CCDC122: variants seen among roughly 807,000 people sequenced by gnomAD.
The protein encoded by CCDC122 is coiled-coil domain containing 122, also known as coiled-coil domain-containing protein 122.
CCDC122 carries 38 observed loss-of-function variants against 37.0 expected under a neutral mutation model. The ratio of observed to expected loss-of-function variants is 1.03; its 90% CI spans 0.79 to 1.35. The LOEUF (loss-of-function observed/expected upper bound fraction) is 1.35. CCDC122 is among the 40% of genes most tolerant of loss of function. The pLI, the probability that CCDC122 is intolerant of heterozygous loss-of-function variation, is 0.00. For missense variants in CCDC122, 305 were observed against 310.0 expected (o/e 0.98, Z 0.12); for synonymous variants, 83 against 95.6 (o/e 0.87, Z 0.77).
intron 6 of CCDC122, among the ~76,000 whole-genome samples, chr13:43,849,623 A>C (rs1276196464): frequency 6.6e-6 from 1 of 152,222 alleles, no homozygotes; most frequent in Non-Finnish European, 1.5e-5. Context: ...AATTTGTTCT[A>C]TCTAGCCAAA....
Position 43,836,413 on chromosome 13 carries a change from C to CA in CCDC122, c.*866dup, listed in dbSNP as rs1221233775. ...TCACTCAAAATATGTTATTTTATAA[C>CA]AAAGAAAAATGATTGTTACCTTCTG... is the stretch of plus-strand genomic sequence containing the variant. On this transcript the variant is annotated 3_prime_UTR_variant, in exon 7 of 7. Transcript: ENST00000444614. 9.3e-5 allele frequency: 14 copies of CA among 151,228 alleles called. No homozygotes were observed. Among genetic ancestry groups the CA allele is most frequent in the South Asian group, 4.2e-4 (2 of 4,794 alleles). The allele number at this position is 151,228 out of a possible 1,614,324, so 9.4% of individuals were successfully genotyped here. A position where few individuals can be genotyped will look rare whatever the true frequency, so the allele number is the denominator to read the frequency against.
chr13:43,829,187 A>G (rs1953065704), intron 3 of CCDC122, among the ~76,000 whole-genome samples: 1 of 152,234 alleles, frequency 6.6e-6, no homozygotes, highest in Non-Finnish European at 1.5e-5. Context: ...CTATAGATCC[A>G]TACTCCTTTC....
chr13:43,877,821 AG>A (rs1328004282), intron 1 of CCDC122: 1 of 152,242 alleles, frequency 6.6e-6, no homozygotes, highest in Non-Finnish European at 1.5e-5. Flanking sequence ...AAAACAAAAA[AG>A]CAAAGCAAAA....
At chr13:43,821,592 C>A (rs918863888), downstream of CCDC122, among the ~76,000 whole-genome samples, 1 of 152,116 alleles carries the variant, frequency 6.6e-6, no homozygotes, top group Admixed American at 6.6e-5. Flanking sequence ...ATCTCTTTAC[C>A]TTCTTTTTAA....
In CCDC122 at chr13:43,869,349, G is replaced by C. The variant is rs760066211; in HGVS notation, c.28C>G (p.Gln10Glu). 3.7e-6 allele frequency: 6 copies of C among 1,607,500 alleles called. No homozygotes were observed. The Admixed American group carries it at 1.0e-4, about 27-fold the overall frequency. Residue 10 changes from glutamine to glutamate, a missense_variant, in exon 3 of 7, where the codon CAA (glutamine) becomes GAA (glutamate). By Grantham distance (29) the Gln-to-Glu change is conservative. Transcript: ENST00000444614. MSDNKERKS[Q>E]GFPKEDNQDT... Reference sequence around the variant, plus strand: ...TCATTACCTTCTTTAGGAAATCCTTGACTCTTCCTTTCTTTGTTGTCTGAC... The same window carrying C: ...TCATTACCTTCTTTAGGAAATCCTTCACTCTTCCTTTCTTTGTTGTCTGAC...
downstream of CCDC122, among the ~76,000 whole-genome samples, chr13:43,836,154 ATTTG>A (rs1953155082): frequency 6.6e-6 from 1 of 152,188 alleles, no homozygotes; most frequent in African/African-American, 2.4e-5. Context: ...ATATCTTCCT[ATTTG>A]TTTTTGTTTC....
chr13:43,870,935 G>C (rs566231301), intron 2 of CCDC122, among the ~76,000 whole-genome samples: 1 of 152,098 alleles, frequency 6.6e-6, no homozygotes, highest in African/African-American at 2.4e-5. Flanking sequence ...TATATGCAGG[G>C]GATTTGTACC....
intron 6 of CCDC122, among the ~76,000 whole-genome samples, chr13:43,850,784 T>G (rs1953700686): frequency 6.6e-6 from 1 of 152,186 alleles, no homozygotes; most frequent in Non-Finnish European, 1.5e-5. Context: ...TGAAAAATCC[T>G]AAATTTGGCA....
At chr13:43,847,610 A>G (rs17653353) in intron 6 of CCDC122, among the ~76,000 whole-genome samples, 24,775 of 152,242 alleles carry the variant, frequency 0.16, 2,128 homozygotes, top group Middle Eastern at 0.2. Context: ...AAGTGCCACA[A>G]AAATACCAGG....
chr13:43,859,471 T>G (rs1954033132), intron 5 of CCDC122, among the ~76,000 whole-genome samples: 2 of 152,102 alleles, frequency 1.3e-5, no homozygotes, highest in Admixed American at 1.3e-4. Context: ...GATGTTTCCT[T>G]TATGCATTTG....
chr13:43,876,509 C>G lies in CCDC122; in HGVS notation c.-199-1582G>C, dbSNP rs1344869816. On this transcript the variant is annotated intron_variant, in intron 1 of 6. Transcript: ENST00000444614. ...CGCAGCAGCTTATGTCTAAGCCTAT[C>G]TACACATAACCTCTAACCACTTAAC... Among the ~76,000 whole-genome samples the G allele has an allele frequency of 3.3e-5, 5 of 152,204 alleles. No individual in the cohort carries two copies. The East Asian group carries it at 7.7e-4, about 23-fold the overall frequency.
intron 4 of CCDC122, among the ~76,000 whole-genome samples, chr13:43,867,509 T>C (rs1954312562): frequency 6.6e-6 from 1 of 152,120 alleles, no homozygotes; most frequent in Admixed American, 6.5e-5. Flanking sequence ...ATCATTTCTT[T>C]TGTGATCACT....
intron 6 of CCDC122, among the ~76,000 whole-genome samples, chr13:43,841,420 C>T (rs1953346958): frequency 1.3e-5 from 2 of 152,068 alleles, no homozygotes; most frequent in African/African-American, 2.4e-5. Context: ...TTCATTGAAA[C>T]TTTCATCATT....
downstream of CCDC122, among the ~76,000 whole-genome samples, chr13:43,833,515 A>G (rs1225689138): frequency 6.6e-6 from 1 of 152,202 alleles, no homozygotes; most frequent in Non-Finnish European, 1.5e-5. Context: ...ACTGAAATCA[A>G]GGAGTGGGGA....
At chr13:43,859,524 A>C (rs1463373883) in intron 5 of CCDC122, 148 bp downstream of exon 5, 5 of 576,962 alleles carry the variant, frequency 8.7e-6, no homozygotes, top group Non-Finnish European at 1.4e-5. Context: ...ACTTATTCCA[A>C]GTTTTTTTCA....
chr13:43,878,088 ATTTTCT>A (rs1331628957), intron 1 of CCDC122: 1 of 150,182 alleles, frequency 6.7e-6, no homozygotes, highest in East Asian at 1.9e-4. Flanking sequence ...CTTTTGAAAT[ATTTTCT>A]TTTTCATTTT....
chr13:43,826,741 A>C (rs972638996), intron 3 of CCDC122, among the ~76,000 whole-genome samples: 5 of 152,206 alleles, frequency 3.3e-5, no homozygotes, highest in Non-Finnish European at 5.9e-5. Context: ...CAGTGCAAAA[A>C]ATAATTTAAT....
chr13:43,830,991 T>G (rs947642221), intron 3 of CCDC122, among the ~76,000 whole-genome samples: 1 of 152,200 alleles, frequency 6.6e-6, no homozygotes, highest in African/African-American at 2.4e-5. Context: ...TAATTGAGAC[T>G]GAAAGGCTTA....
At chr13:43,830,234 G>A (rs1953076914) in intron 3 of CCDC122, among the ~76,000 whole-genome samples, 1 of 152,186 alleles carries the variant, frequency 6.6e-6, no homozygotes, top group African/African-American at 2.4e-5. Context: ...GAATGGGACA[G>A]TGATTAGATT....
Sources: gnomAD v4.1 joint callset for allele counts (sites outside exome capture counted in the v4.1 genomes callset) on GRCh38, gnomAD v4.1.1 for gene constraint, MANE v1.5 for transcripts, NCBI Gene and HGNC (gene_info 2026-07-23, HGNC 2026-07-21) for gene names.